NWD2: variants seen among roughly 807,000 people sequenced by gnomAD.
NWD2 encodes the protein NACHT and WD repeat domain-containing protein 2.
A neutral mutation model predicts 132.7 loss-of-function variants in NWD2; 37 were observed. The ratio of observed to expected loss-of-function variants is 0.28; its 90% CI spans 0.21 to 0.37. The LOEUF (loss-of-function observed/expected upper bound fraction) is 0.37, where lower values mean the gene tolerates loss of function less well. Among genes scored for constraint, NWD2 ranks in the 10% least tolerant of loss-of-function variants. The pLI, the probability that NWD2 is intolerant of heterozygous loss-of-function variation, is 1.00. For missense variants in NWD2, 1,592 were observed against 2,122.4 expected, an observed-to-expected ratio of 0.75 and a Z score of 4.91; for synonymous variants, 705 against 803.0, an observed-to-expected ratio of 0.88 and a Z score of 2.06.
In NWD2 at chr4:37,447,044, G is replaced by C; in HGVS notation, c.5056G>C (p.Val1686Leu). The C allele has an allele frequency of 3.9e-6, 6 of 1,551,704 alleles. No individual in the cohort carries two copies. Among genetic ancestry groups the C allele is most frequent in the Admixed American group, 2.0e-5 (1 of 51,008 alleles). ...KCNSYCFKISVDCLWRESTEV... is the reference protein window; with the variant it reads ...KCNSYCFKISLDCLWRESTEV... ...TAACAGTTATTGTTTTAAAATATCT[G>C]TGGATTGCTTATGGAGAGAGTCCAC... The change falls in exon 7 of 7, where the codon GTG (valine) becomes CTG (leucine). Residue 1686 changes from valine to leucine, a missense_variant. Val to Leu is a conservative substitution (Grantham distance 32, BLOSUM62 1). This residue lies in a region of NWD2 where 257 missense variants were observed against 335.0 expected (regional missense o/e 0.77). Coordinates refer to ENST00000309447, the MANE Select transcript of NWD2 (RefSeq NM_001144990.2).
intron 1 of NWD2, among the ~76,000 whole-genome samples, chr4:37,279,348 G>A (rs541389892): frequency 3.3e-5 from 5 of 152,212 alleles, no homozygotes; most frequent in African/African-American, 1.2e-4. Flanking sequence ...TAGATCTGTA[G>A]GAGAGTAAAA....
At chr4:37,345,174 A>G (rs1267936694) in intron 2 of NWD2, among the ~76,000 whole-genome samples, 2 of 152,186 alleles carry the variant, frequency 1.3e-5, no homozygotes, top group Admixed American at 6.5e-5. Flanking sequence ...TACTGCTGCT[A>G]TGAACACTCG....
intron 1 of NWD2, among the ~76,000 whole-genome samples, chr4:37,292,737 T>C (rs778711200): frequency 6.6e-6 from 1 of 152,076 alleles, no homozygotes; most frequent in Non-Finnish European, 1.5e-5. Flanking sequence ...GGGGGTTGGA[T>C]TTGGGATGGA....
chr4:37,389,476 C>T (rs1045593324), intron 3 of NWD2, among the ~76,000 whole-genome samples: 2 of 152,210 alleles, frequency 1.3e-5, no homozygotes, highest in Non-Finnish European at 2.9e-5. Context: ...CTGCCTCTGC[C>T]TCTTTGTCAC....
At chr4:37,411,865 CAG>C (rs1721166647) in intron 3 of NWD2, among the ~76,000 whole-genome samples, 1 of 152,154 alleles carries the variant, frequency 6.6e-6, no homozygotes, top group African/African-American at 2.4e-5. Context: ...ATCACATAAA[CAG>C]AACAAATGAC....
intron 3 of NWD2, among the ~76,000 whole-genome samples, chr4:37,425,654 A>G (rs1456618697): frequency 2.0e-5 from 3 of 152,206 alleles, no homozygotes; most frequent in African/African-American, 7.2e-5. Flanking sequence ...GTGGACTTCA[A>G]TGCAAAATTC....
rs77304521 is a variant in NWD2, at chr4:37,248,188, C to T, written c.151+2970C>T. On this transcript the variant is annotated intron_variant, in intron 1 of 6. Transcript: ENST00000309447. ...GATCTCTGTGAAATATCTCACACCA[C>T]GTGGGCAAGACAATACAGATAGGGG... Among the ~76,000 whole-genome samples, 1,244 of 152,208 alleles carry T rather than the reference C, an allele frequency of 8.2e-3. 18 individuals carry two copies. The highest frequency in any genetic ancestry group is 0.029 in the African/African-American group (1,189 of 41,524).
intron 2 of NWD2, among the ~76,000 whole-genome samples, chr4:37,338,511 A>G (rs1205948805): frequency 1.3e-5 from 2 of 152,250 alleles, no homozygotes; most frequent in East Asian, 3.8e-4. Flanking sequence ...TTTAAATGGA[A>G]TAGAACTAAA....
intron 3 of NWD2, among the ~76,000 whole-genome samples, chr4:37,374,645 G>A (rs1489919801): frequency 6.6e-6 from 1 of 152,158 alleles, no homozygotes; most frequent in Non-Finnish European, 1.5e-5. Context: ...AAAATAATTG[G>A]AAGAAAAGTC....
At position 37,328,002 on chromosome 4, in the gene NWD2, C is replaced by T. The variant is rs192077979; in HGVS notation, c.240+1978C>T. Among the ~76,000 whole-genome samples, 480 of 152,202 alleles carry T rather than the reference C, an allele frequency of 3.2e-3. 2 individuals are homozygous for T. Among genetic ancestry groups the T allele is most frequent in the South Asian group, 0.016 (79 of 4,820 alleles). ...CAGTCTGGTTCTTCCCCTGCTTCACCTCCTGGATTCTACTCATTCTTAAGA... is the reference window on the plus strand; with the variant it reads ...CAGTCTGGTTCTTCCCCTGCTTCACTTCCTGGATTCTACTCATTCTTAAGA... On this transcript the variant is annotated intron_variant, in intron 2 of 6. Transcript: ENST00000309447.
At chr4:37,436,309 T>C (rs1712321125) in intron 5 of NWD2, among the ~76,000 whole-genome samples, 1 of 152,164 alleles carries the variant, frequency 6.6e-6, no homozygotes, top group South Asian at 2.1e-4. Flanking sequence ...TAGATAGGCA[T>C]CAGAAACTGT....
intron 3 of NWD2, among the ~76,000 whole-genome samples, chr4:37,399,101 C>T (rs146677474): frequency 3.3e-5 from 5 of 152,156 alleles, no homozygotes; most frequent in African/African-American, 7.2e-5. Flanking sequence ...TTTTAAATGG[C>T]GGCTTGTGTC....
intron 1 of NWD2, among the ~76,000 whole-genome samples, chr4:37,319,619 A>C (rs1452693427): frequency 6.6e-6 from 1 of 152,156 alleles, no homozygotes; most frequent in Non-Finnish European, 1.5e-5. Context: ...TTACATTTAA[A>C]TCTTTAATCT....
intron 1 of NWD2, among the ~76,000 whole-genome samples, chr4:37,246,024 C>G (rs1029635295): frequency 1.3e-5 from 2 of 152,164 alleles, no homozygotes; most frequent in Non-Finnish European, 2.9e-5. Context: ...AGATTTCATT[C>G]CCAGTAATTG....
At chr4:37,387,773 C>T (rs1166610845) in intron 3 of NWD2, among the ~76,000 whole-genome samples, 1 of 143,030 alleles carries the variant, frequency 7.0e-6, no homozygotes, top group African/African-American at 2.6e-5. Context: ...CTTCCAGGTT[C>T]AAGCGATTCT....
At chr4:37,366,982 T>C (rs1476306605) in intron 3 of NWD2, among the ~76,000 whole-genome samples, 2 of 152,180 alleles carry the variant, frequency 1.3e-5, no homozygotes, top group Non-Finnish European at 2.9e-5. Context: ...CATGACCTAA[T>C]TAACATTTAT....
chr4:37,388,138 T>C (rs1720602563), intron 3 of NWD2, among the ~76,000 whole-genome samples: 1 of 152,142 alleles, frequency 6.6e-6, no homozygotes, highest in Non-Finnish European at 1.5e-5. Context: ...GAGGATTCAC[T>C]TAGTTAATAG....
intron 4 of NWD2, among the ~76,000 whole-genome samples, chr4:37,431,908 T>C (rs1712189056): frequency 6.6e-6 from 1 of 152,142 alleles, no homozygotes; most frequent in Non-Finnish European, 1.5e-5. Flanking sequence ...TTTTTACTTA[T>C]TAATATTGGT....
intron 3 of NWD2, among the ~76,000 whole-genome samples, chr4:37,361,317 C>T (rs115600291): frequency 0.01 from 1,529 of 152,226 alleles, 27 homozygotes; most frequent in African/African-American, 0.034. Flanking sequence ...CTCCCCAACT[C>T]ATTCTTAAAA....
Sources: allele counts gnomAD v4.1 joint callset (sites outside exome capture counted in the v4.1 genomes callset), GRCh38; gene constraint gnomAD v4.1.1; regional missense constraint gnomAD v4.1.1; transcripts MANE v1.5; gene names NCBI Gene and HGNC (gene_info 2026-07-23, HGNC 2026-07-21).